The following POM121C variants were observed in gnomAD, a reference collection of about 807,000 sequenced individuals.
POM121C encodes the protein POM121 transmembrane nucleoporin C.
A neutral mutation model predicts 66.4 loss-of-function variants in POM121C; 20 were observed. The observed-to-expected ratio is 0.30, with a 90% CI of 0.21 to 0.44. POM121C has a LOEUF of 0.44. POM121C is among the 20% of genes least tolerant of loss of function. The pLI, the probability that POM121C is intolerant of heterozygous loss-of-function variation, is 1.00. For synonymous variants in POM121C, 286 were observed against 528.0 expected (o/e 0.54, Z 6.28); for missense variants, 580 against 1,225.7 (o/e 0.47, Z 7.87).
chr7:75,484,541 T>C (rs1374918585), intron 1 of POM121C, among the ~76,000 whole-genome samples: 1 of 151,722 alleles, frequency 6.6e-6, no homozygotes, highest in Non-Finnish European at 1.5e-5. Context: ...TAGAGTCACA[T>C]GCCTGTAGTC....
At chr7:75,443,467 A>T (rs1790736341) in intron 3 of POM121C, among the ~76,000 whole-genome samples, 1 of 152,134 alleles carries the variant, frequency 6.6e-6, no homozygotes, top group Admixed American at 6.6e-5. Flanking sequence ...CTGCCAATAC[A>T]CTTTGGTGTA....
At chr7:75,443,406 G>C (rs587760704) in intron 3 of POM121C, among the ~76,000 whole-genome samples, 2 of 152,342 alleles carry the variant, frequency 1.3e-5, no homozygotes, top group Admixed American at 1.3e-4. Context: ...CCTATGAACT[G>C]TATGGTTTGT....
chr7:75,459,597 C>A (rs1584695767), intron 3 of POM121C, among the ~76,000 whole-genome samples: 6 of 11,746 alleles, frequency 5.1e-4, no homozygotes, highest in East Asian at 9.2e-3. Context: ...GAGACTCTGT[C>A]TCAAAAAAAA....
At chr7:75,428,621 G>A (rs1386625506) in intron 7 of POM121C, among the ~76,000 whole-genome samples, 3 of 152,112 alleles carry the variant, frequency 2.0e-5, no homozygotes, top group Admixed American at 2.0e-4. Flanking sequence ...CATAAACCTT[G>A]CATTTTTGTT....
intron 1 of POM121C, among the ~76,000 whole-genome samples, chr7:75,478,541 T>C (rs1165087996): frequency 1.3e-5 from 2 of 150,738 alleles, no homozygotes; most frequent in African/African-American, 4.9e-5. Context: ...AGAGAGTTCA[T>C]CGTTCTATTC....
chr7:75,428,740 G>A (rs1404986485), intron 7 of POM121C, among the ~76,000 whole-genome samples: 1 of 152,218 alleles, frequency 6.6e-6, no homozygotes, highest in Non-Finnish European at 1.5e-5. Flanking sequence ...AGCACTTCAG[G>A]AGGCTGAGGC....
At position 75,439,231 on chromosome 7, in the gene POM121C, C is replaced by T. The variant is rs782175312; in HGVS notation, c.228-7G>A. The T allele has an allele frequency of 6.2e-7, 1 of 1,613,928 alleles. No individual in the cohort carries two copies. Among genetic ancestry groups the T allele is most frequent in the Non-Finnish European group, 8.5e-7 (1 of 1,179,952 alleles). On this transcript the variant is annotated splice_region_variant and splice_polypyrimidine_tract_variant and intron_variant, in intron 5 of 14. Transcript: ENST00000615331. ...GCCACTGCTATCATGGCGCCTGCGA[C>T]AAATCAAAAAAGTCTCAAATGAAAT... is the stretch of plus-strand genomic sequence containing the variant.
intron 3 of POM121C, among the ~76,000 whole-genome samples, chr7:75,443,404 C>T (rs1790734591): frequency 2.6e-5 from 4 of 152,218 alleles, no homozygotes; most frequent in Non-Finnish European, 2.9e-5. Context: ...ACCCTATGAA[C>T]TGTATGGTTT....
intron 7 of POM121C, among the ~76,000 whole-genome samples, chr7:75,435,909 G>T (rs1790386101): frequency 6.6e-6 from 1 of 152,148 alleles, no homozygotes; most frequent in South Asian, 2.1e-4. Context: ...AAATTAGCTG[G>T]GCGTGGTGGC....
At chr7:75,442,727 C>T (rs1790707535) in intron 3 of POM121C, 27 of 1,358,278 alleles carry the variant, frequency 2.0e-5, no homozygotes, top group Non-Finnish European at 2.4e-5. Context: ...CATCGCGGCT[C>T]CGCGCCGCGG....
At chr7:75,478,133 AT>A (rs1439890604) in intron 1 of POM121C, among the ~76,000 whole-genome samples, 1 of 151,876 alleles carries the variant, frequency 6.6e-6, no homozygotes, top group East Asian at 1.9e-4. Flanking sequence ...TGCCCGGCTA[AT>A]TTTTATATTT....
At chr7:75,420,015 A>T (rs118077968) in intron 13 of POM121C, 14,704 of 153,228 alleles carry the variant, frequency 0.096, 786 homozygotes, top group African/African-American at 0.11. Context: ...GCTTCCACAC[A>T]GTTTCTCTTC....
rs1325423365 is a variant in POM121C, at chr7:75,441,777, G to A, written c.-151-130C>T. 2.0e-5 allele frequency: 18 copies of A among 907,364 alleles called. No homozygotes were observed. The African/African-American group carries it at 2.7e-4, about 14-fold the overall frequency. 56.2% of individuals were successfully genotyped at this position (907,364 alleles called of 1,614,324 possible). On this transcript the variant is annotated intron_variant, in intron 3 of 14. Coordinates refer to ENST00000615331, the MANE Select transcript of POM121C (RefSeq NM_001099415.3). ...TCTCTTTCTACGCAACACAGAACAC[G>A]TTGTTTTTATGGCAACTTTCCCCTA...
rs1554479134 is a variant in POM121C, at chr7:75,474,795, A to C, written c.-243T>G. On this transcript the variant is annotated 5_prime_UTR_variant, in exon 3 of 15. An upstream start codon of the reference 5' UTR is lost. Coordinates refer to ENST00000615331, the MANE Select transcript of POM121C (RefSeq NM_001099415.3). ...TGATGACGTTTGGCTTGGTGATATC[A>C]TATCTTGTTAATGGGAAAAGAAGAA... The C allele has an allele frequency of 1.5e-6, 2 of 1,302,958 alleles. No homozygotes were observed. The highest frequency in any genetic ancestry group is 2.2e-6 in the Non-Finnish European group (2 of 915,652). The allele number at this position is 1,302,958 out of a possible 1,614,324, so 80.7% of individuals were successfully genotyped here.
intron 3 of POM121C, among the ~76,000 whole-genome samples, chr7:75,461,621 G>T (rs1791444727): frequency 1.3e-5 from 2 of 152,024 alleles, no homozygotes; most frequent in Admixed American, 1.3e-4. Flanking sequence ...ATGTTGGCCA[G>T]GCTGGTCTCA....
At chr7:75,485,771 G>C (rs1306828903) in intron 1 of POM121C, 93 bp downstream of exon 1, 2 of 420,882 alleles carry the variant, frequency 4.8e-6, no homozygotes, top group Non-Finnish European at 9.4e-6. Context: ...CAAGCAATCG[G>C]GACCCTCCCT....
intron 1 of POM121C, among the ~76,000 whole-genome samples, chr7:75,485,372 C>T: frequency 6.6e-6 from 1 of 152,206 alleles, no homozygotes; most frequent in African/African-American, 2.4e-5. Flanking sequence ...CTACTATGAG[C>T]AGCTCTACCC....
At chr7:75,457,545 GGAACAAAGACCTGTT>G (rs1305336041) in intron 3 of POM121C, among the ~76,000 whole-genome samples, 2 of 145,322 alleles carry the variant, frequency 1.4e-5, no homozygotes, top group African/African-American at 5.1e-5. Context: ...TAGACACTGT[GGAACAAAGACCTGTT>G]GACCCTCCCC....
intron 3 of POM121C, among the ~76,000 whole-genome samples, chr7:75,462,433 C>G (rs1197489876): frequency 2.1e-4 from 31 of 150,416 alleles, no homozygotes; most frequent in Non-Finnish European, 1.5e-5. Context: ...GACTAATACT[C>G]CAAATGAACA....
Sources: allele counts gnomAD v4.1 joint callset (sites outside exome capture counted in the v4.1 genomes callset), GRCh38; gene constraint gnomAD v4.1.1; transcripts MANE v1.5; gene names NCBI Gene and HGNC (gene_info 2026-07-23, HGNC 2026-07-21).